Variants in NRG2 observed in about 807,000 individuals in gnomAD.
NRG2 encodes the protein pro-neuregulin-2, membrane-bound isoform.
Under a neutral mutation model 73.9 loss-of-function variants are expected in NRG2, and 27 were observed. The ratio of observed to expected loss-of-function variants is 0.37; its 90% CI spans 0.27 to 0.50. NRG2 has a LOEUF of 0.50. NRG2 is among the 20% of genes least tolerant of loss of function. The probability of loss-of-function intolerance (pLI) is 0.96; values close to 1 mark genes in which losing one functional copy is unlikely to be tolerated. For missense variants in NRG2, 1,126 were observed against 1,210.1 expected (o/e 0.93, Z 1.03); for synonymous variants, 532 against 541.0 (o/e 0.98, Z 0.23).
chr5:139,883,676 T>A (rs1351190199), intron 2 of NRG2, among the ~76,000 whole-genome samples: 1 of 152,126 alleles, frequency 6.6e-6, no homozygotes, highest in Non-Finnish European at 1.5e-5. Context: ...AGGTGAGATG[T>A]GTAGTGTAGG....
chr5:139,864,694 A>T lies in NRG2; in HGVS notation c.1189+855T>A, dbSNP rs116585950. ...CCATTTCCAAACCCTCAAAACAAACAAACTCTGGCCAGACTGGAAAATGGG... is the reference window on the plus strand; with the variant it reads ...CCATTTCCAAACCCTCAAAACAAACTAACTCTGGCCAGACTGGAAAATGGG... On this transcript the variant is annotated intron_variant, in intron 5 of 9. Coordinates refer to ENST00000361474, the MANE Select transcript of NRG2 (RefSeq NM_004883.3). 4.4e-3 allele frequency among the ~76,000 whole-genome samples: 666 copies of T among 151,914 alleles called. 3 individuals carry two copies. Among genetic ancestry groups the T allele is most frequent in the African/African-American group, 0.015 (641 of 41,412 alleles).
intron 1 of NRG2, among the ~76,000 whole-genome samples, chr5:139,966,766 T>C (rs1258588776): frequency 6.6e-6 from 1 of 152,014 alleles, no homozygotes; most frequent in East Asian, 1.9e-4. Context: ...GGAAACTGTG[T>C]GGTGAGCTGC....
chr5:140,032,232 C>T (rs555834944), intron 1 of NRG2, among the ~76,000 whole-genome samples: 2 of 152,186 alleles, frequency 1.3e-5, no homozygotes, highest in Admixed American at 1.3e-4. Flanking sequence ...AAGGAATATC[C>T]AAAAAGCTCA....
chr5:140,039,151 T>C (rs1761720759), intron 1 of NRG2, among the ~76,000 whole-genome samples: 1 of 152,210 alleles, frequency 6.6e-6, no homozygotes, highest in African/African-American at 2.4e-5. Context: ...AGAAATGATC[T>C]TCATTTTTTA....
chr5:139,923,739 T>G (rs192089209), intron 1 of NRG2, among the ~76,000 whole-genome samples: 7 of 152,206 alleles, frequency 4.6e-5, no homozygotes, highest in Admixed American at 6.5e-5. Context: ...TAATTTTAAT[T>G]CATAAGGCCT....
At position 139,988,396 on chromosome 5, in the gene NRG2, G is replaced by C. The variant is rs114649826; in HGVS notation, c.700+53974C>G. Among the ~76,000 whole-genome samples the C allele has an allele frequency of 2.8e-3, 419 of 152,116 alleles. 3 individuals carry two copies. Among genetic ancestry groups the C allele is most frequent in the African/African-American group, 9.7e-3 (402 of 41,532 alleles). ...TAATTGCCAAAACTTGAAAGCAACC[G>C]AGTTGGCCTTCATTAGAGGAATGAA... On this transcript the variant is annotated intron_variant, in intron 1 of 9. Coordinates refer to ENST00000361474, the MANE Select transcript of NRG2 (RefSeq NM_004883.3).
intron 4 of NRG2, among the ~76,000 whole-genome samples, chr5:139,867,788 G>GTT (rs1219183611): frequency 7.2e-6 from 1 of 138,144 alleles, no homozygotes; most frequent in African/African-American, 3.2e-5. Context: ...GTGTGTGTGT[G>GTT]TGTGTGTGTA....
intron 1 of NRG2, among the ~76,000 whole-genome samples, chr5:139,998,778 C>T (rs1180565973): frequency 2.0e-5 from 3 of 152,064 alleles, no homozygotes; most frequent in Non-Finnish European, 4.4e-5. Flanking sequence ...GGGCAAAGAA[C>T]CATACTGTTA....
chr5:139,907,952 T>C (rs1765342579), intron 1 of NRG2, among the ~76,000 whole-genome samples: 1 of 152,242 alleles, frequency 6.6e-6, no homozygotes, highest in African/African-American at 2.4e-5. Context: ...TGCTAAGCAC[T>C]TTACACATTT....
chr5:139,974,272 G>A (rs11746363), intron 1 of NRG2, among the ~76,000 whole-genome samples: 26,068 of 150,734 alleles, frequency 0.17, 2,919 homozygotes, highest in East Asian at 0.52. Flanking sequence ...AAAAGGCTAT[G>A]ATGTGACAAG....
intron 1 of NRG2, among the ~76,000 whole-genome samples, chr5:140,033,554 C>G (rs1185206923): frequency 1.3e-5 from 2 of 152,226 alleles, no homozygotes; most frequent in East Asian, 3.8e-4. Flanking sequence ...ACAGAATGAG[C>G]ATTCATATCC....
rs967130084 is a variant in NRG2 at position 139,853,403 on chromosome 5, C to T, written c.1293-376G>A. On this transcript the variant is annotated intron_variant, in intron 6 of 9. Coordinates refer to ENST00000361474, the MANE Select transcript of NRG2 (RefSeq NM_004883.3). The surrounding 1 kb of genome is among the most constrained non-coding windows in gnomAD (Gnocchi z 4.1). ...CATTCAAGCACAGTGCTGACTCCCT[C>T]TCTCTCTCCCTCATTCATTAATTTG... is the stretch of plus-strand genomic sequence containing the variant. Among the ~76,000 whole-genome samples the T allele has an allele frequency of 6.6e-6, 1 of 152,000 alleles. No homozygotes were observed. Among genetic ancestry groups the T allele is most frequent in the East Asian group, 1.9e-4 (1 of 5,202 alleles).
chr5:140,022,453 C>T (rs933541381), intron 1 of NRG2, among the ~76,000 whole-genome samples: 3 of 152,170 alleles, frequency 2.0e-5, no homozygotes, highest in Non-Finnish European at 4.4e-5. Context: ...CTTTTTAATG[C>T]TATGTCCATG....
chr5:139,962,956 A>G (rs1755193677), intron 1 of NRG2, among the ~76,000 whole-genome samples: 1 of 152,196 alleles, frequency 6.6e-6, no homozygotes, highest in Non-Finnish European at 1.5e-5. Context: ...GAGCCATATA[A>G]AAGCCCTCTC....
rs949779836 is a variant in NRG2 at position 139,915,447 on chromosome 5, G to C, written c.701-27936C>G. On this transcript the variant is annotated intron_variant, in intron 1 of 9. Coordinates refer to ENST00000361474, the MANE Select transcript of NRG2 (RefSeq NM_004883.3). This position sits in a 1 kb window ranked among gnomAD's most constrained non-coding sequence, Gnocchi z 4.0. ...TAAGCTGCCAAGACTTGACAGGTTG[G>C]GTGGTGGCCAGGGTCCCCCAGGTCC... Among the ~76,000 whole-genome samples the C allele has an allele frequency of 6.6e-6, 1 of 152,170 alleles. No homozygotes were observed. Among genetic ancestry groups the C allele is most frequent in the African/African-American group, 2.4e-5 (1 of 41,428 alleles).
At chr5:139,931,724 C>T (rs1191458745) in intron 1 of NRG2, among the ~76,000 whole-genome samples, 1 of 152,102 alleles carries the variant, frequency 6.6e-6, no homozygotes, top group Non-Finnish European at 1.5e-5. Flanking sequence ...GATTACAGAG[C>T]TAAGGTGTAC....
chr5:139,866,118 C>G (rs1425497460), intron 4 of NRG2, among the ~76,000 whole-genome samples: 1 of 152,202 alleles, frequency 6.6e-6, no homozygotes, highest in Non-Finnish European at 1.5e-5. Context: ...CCCCAGGAAA[C>G]TCAGATAACT....
intron 1 of NRG2, among the ~76,000 whole-genome samples, chr5:140,014,018 C>G (rs1379806820): frequency 6.6e-6 from 1 of 152,104 alleles, no homozygotes; most frequent in Admixed American, 6.6e-5. Context: ...TATGTTCATT[C>G]CTTTGGTGAT....
At position 139,915,398 on chromosome 5, in the gene NRG2, C is replaced by T. The variant is rs1411776678; in HGVS notation, c.701-27887G>A. Among the ~76,000 whole-genome samples the T allele has an allele frequency of 6.6e-6, 1 of 152,172 alleles. No homozygotes were observed. The highest frequency in any genetic ancestry group is 1.5e-5 in the Non-Finnish European group (1 of 68,028). ...GAGGATTCAATTCAGCAGTTTCCAG[C>T]CTCTGTAAGGAAGTGGCGCCAGCTA... is the stretch of plus-strand genomic sequence containing the variant. On this transcript the variant is annotated intron_variant, in intron 1 of 9. Coordinates refer to ENST00000361474, the MANE Select transcript of NRG2 (RefSeq NM_004883.3). The surrounding 1 kb of genome is among the most constrained non-coding windows in gnomAD (Gnocchi z 4.0).
Sources: allele counts gnomAD v4.1 joint callset (sites outside exome capture counted in the v4.1 genomes callset), GRCh38; gene constraint gnomAD v4.1.1; non-coding constraint Gnocchi (gnomAD v3.1); transcripts MANE v1.5; gene names NCBI Gene and HGNC (gene_info 2026-07-23, HGNC 2026-07-21).